The following KLHDC4 variants were observed in gnomAD, a reference collection of about 807,000 sequenced individuals.
KLHDC4 encodes the protein kelch domain-containing protein 4.
In KLHDC4, 90 loss-of-function variants were observed where a neutral mutation model predicts 62.4. The observed-to-expected ratio is 1.44, with a 90% confidence interval of 1.22 to 1.72. The LOEUF is 1.72. KLHDC4 is among the 40% of genes most tolerant of loss of function. The pLI is 0.00. For missense variants in KLHDC4, 1,025 were observed against 699.7 expected (o/e 1.47, Z -5.25); for synonymous variants, 386 against 284.4 (o/e 1.36, Z -3.59).
At chr16:87,764,675 A>AAAAAAAG (rs764279970) in intron 1 of KLHDC4, among the ~76,000 whole-genome samples, 1 of 123,192 alleles carries the variant, frequency 8.1e-6, no homozygotes, top group Non-Finnish European at 1.7e-5. Flanking sequence ...AAAAAAAAAA[A>AAAAAAAG]GCAGAAAGCA....
chr16:87,740,411 G>A (rs368077655), intron 5 of KLHDC4, among the ~76,000 whole-genome samples: 36 of 152,254 alleles, frequency 2.4e-4, no homozygotes, highest in African/African-American at 7.9e-4. Context: ...CCTACTTTGG[G>A]GGTTCCCAGG....
intron 4 of KLHDC4, among the ~76,000 whole-genome samples, chr16:87,754,533 G>A (rs775454963): frequency 6.6e-6 from 1 of 152,206 alleles, no homozygotes; most frequent in Non-Finnish European, 1.5e-5. Context: ...ATATTGCACA[G>A]GAATGCATGT....
chr16:87,754,222 T>A (rs1486580656), intron 4 of KLHDC4, among the ~76,000 whole-genome samples: 1 of 152,070 alleles, frequency 6.6e-6, no homozygotes, highest in Non-Finnish European at 1.5e-5. Flanking sequence ...GAGGGGTGCC[T>A]GTAATCCCAG....
chr16:87,708,557 A>G (rs1451907492), intron 10 of KLHDC4, 91 bp from the exon 11 acceptor site: 1 of 831,854 alleles, frequency 1.2e-6, no homozygotes, highest in Non-Finnish European at 1.8e-6. Context: ...TCCTGGGGGG[A>G]TTCCATTTTC....
At chr16:87,717,242 T>C (rs2037188279) in intron 7 of KLHDC4, among the ~76,000 whole-genome samples, 1 of 152,140 alleles carries the variant, frequency 6.6e-6, no homozygotes, top group Non-Finnish European at 1.5e-5. Context: ...ATTAAAAAAA[T>C]TAAAGAGACC....
At chr16:87,730,714 C>T in intron 5 of KLHDC4, 70 bp from the exon 6 acceptor site, 1 of 1,318,972 alleles carries the variant, frequency 7.6e-7, no homozygotes, top group Non-Finnish European at 1.1e-6. Context: ...ACGACAACAA[C>T]AAACAAAATC....
At chr16:87,729,111 T>A (rs1363506821) in intron 6 of KLHDC4, among the ~76,000 whole-genome samples, 1 of 152,200 alleles carries the variant, frequency 6.6e-6, no homozygotes, top group Non-Finnish European at 1.5e-5. Flanking sequence ...CATTTTTAAA[T>A]CTTTCCCCCT....
intron 5 of KLHDC4, 138 bp from the exon 6 acceptor site, chr16:87,730,782 T>C (rs1198110394): frequency 3.7e-5 from 26 of 700,504 alleles, no homozygotes; most frequent in South Asian, 3.7e-4. Context: ...TTAAATACCA[T>C]TTAATCTGAT....
rs2034979417 is a variant in KLHDC4 at position 87,707,986 on chromosome 16, C to CA, written c.*90dup. ...CAGCTCTCTCCTGTGCGTCAGGACGCACGCTGGCCCCAAGAGCTTCACTCA... is the reference window on the plus strand; with the variant it reads ...CAGCTCTCTCCTGTGCGTCAGGACGCAACGCTGGCCCCAAGAGCTTCACTCA... On this transcript the variant is annotated 3_prime_UTR_variant, in exon 12 of 12. Transcript: ENST00000270583. 1 of 478,902 alleles carries CA rather than the reference C, an allele frequency of 2.1e-6. No individual in the cohort carries two copies. The highest frequency in any genetic ancestry group is 2.3e-5 in the Admixed American group (1 of 43,104). The allele number at this position is 478,902 out of a possible 1,614,324, so 29.7% of individuals were successfully genotyped here.
intron 5 of KLHDC4, among the ~76,000 whole-genome samples, chr16:87,746,291 A>G (rs2080825): frequency 0.013 from 2,039 of 152,018 alleles, 40 homozygotes; most frequent in African/African-American, 0.041. Context: ...AGAAAGAAAG[A>G]AAGGAAGGAG....
intron 5 of KLHDC4, among the ~76,000 whole-genome samples, chr16:87,732,034 C>T (rs2040461927): frequency 6.6e-6 from 1 of 151,942 alleles, no homozygotes; most frequent in Non-Finnish European, 1.5e-5. Flanking sequence ...CCAACTACAG[C>T]TCTCTGGGGT....
At chr16:87,760,802 G>T (rs141041857) in intron 2 of KLHDC4, among the ~76,000 whole-genome samples, 2 of 152,132 alleles carry the variant, frequency 1.3e-5, no homozygotes, top group African/African-American at 4.8e-5. Context: ...GGAGGCCAAG[G>T]CAGGTGGATT....
intron 7 of KLHDC4, among the ~76,000 whole-genome samples, chr16:87,722,284 G>C (rs1597485570): frequency 6.6e-6 from 1 of 152,194 alleles, no homozygotes; most frequent in Non-Finnish European, 1.5e-5. Flanking sequence ...AGAGCCTGGA[G>C]GGTGTTTAAA....
chr16:87,759,741 A>G (rs1365477634), intron 2 of KLHDC4, among the ~76,000 whole-genome samples: 1 of 152,198 alleles, frequency 6.6e-6, no homozygotes, highest in African/African-American at 2.4e-5. Flanking sequence ...ACTCCGTCTC[A>G]GAAAAAAAAA....
Position 87,759,928 on chromosome 16 carries a change from G to A in KLHDC4, c.191+2021C>T, listed in dbSNP as rs116441411. 4.9e-3 allele frequency among the ~76,000 whole-genome samples: 746 copies of A among 152,266 alleles called. 5 individuals are homozygous for A. Among genetic ancestry groups the A allele is most frequent in the African/African-American group, 0.018 (731 of 41,556 alleles). ...AGGTGTTGCCGCCGCACAGGCAGGTGAGGTACTGAGGCAGCTGGTGTCATG... is the reference window on the plus strand; with the variant it reads ...AGGTGTTGCCGCCGCACAGGCAGGTAAGGTACTGAGGCAGCTGGTGTCATG... On this transcript the variant is annotated intron_variant, in intron 2 of 11. Coordinates refer to ENST00000270583, the MANE Select transcript of KLHDC4 (RefSeq NM_017566.4).
chr16:87,709,739 G>A, intron 9 of KLHDC4, 72 bp from the exon 10 acceptor site: 2 of 1,459,942 alleles, frequency 1.4e-6, no homozygotes, highest in Non-Finnish European at 9.1e-7. Flanking sequence ...ATGCCCACAA[G>A]GCCAGGCAAG....
At chr16:87,702,318 C>A (rs930922214) in exon 1 of KLHDC4, 1 of 455,906 alleles carries the variant, frequency 2.2e-6, no homozygotes, top group Non-Finnish European at 4.4e-6. Context: ...GCTCCCAGGC[C>A]CTGGGGTCAG....
chr16:87,764,926 A>G (rs1029978508), intron 1 of KLHDC4: 3 of 349,318 alleles, frequency 8.6e-6, no homozygotes, highest in African/African-American at 2.1e-5. Flanking sequence ...GAGATCAATG[A>G]CTTAGGAAGA....
chr16:87,746,279 G>C (rs1446758857), intron 5 of KLHDC4, among the ~76,000 whole-genome samples: 2 of 151,042 alleles, frequency 1.3e-5, no homozygotes, highest in South Asian at 4.2e-4. Flanking sequence ...CTTGAAGAAG[G>C]AAGAAAGAAA....
Sources: gnomAD v4.1 joint callset for allele counts (sites outside exome capture counted in the v4.1 genomes callset) on GRCh38, gnomAD v4.1.1 for gene constraint, MANE v1.5 for transcripts, NCBI Gene and HGNC (gene_info 2026-07-23, HGNC 2026-07-21) for gene names.